Variants in MTO1 observed in about 807,000 individuals in gnomAD.
MTO1 encodes the protein mitochondrial tRNA translation optimization 1, also known as 5-taurinomethyluridine-[tRNA] synthase subunit MTO1, mitochondrial.
A neutral mutation model predicts 71.6 loss-of-function variants in MTO1; 46 were observed. The observed-to-expected ratio is 0.64, with a 90% CI of 0.51 to 0.82. The LOEUF (loss-of-function observed/expected upper bound fraction) is 0.82, where lower values mean the gene tolerates loss of function less well. Ranked by LOEUF, MTO1 falls within the 40% of genes least tolerant of loss-of-function variation. The pLI is 0.00. For missense variants in MTO1, 773 were observed against 867.5 expected (o/e 0.89, Z 1.37); for synonymous variants, 297 against 312.1 (o/e 0.95, Z 0.51).
rs939016343 is a variant in MTO1, at chr6:73,503,971, G to A, written c.*3236G>A. The A allele has an allele frequency of 1.3e-5, 2 of 152,154 alleles. No homozygotes were observed. The highest frequency in any genetic ancestry group is 2.9e-5 in the Non-Finnish European group (2 of 68,020). The allele number at this position is 152,154 out of a possible 1,614,324, so 9.4% of individuals were successfully genotyped here. A position where few individuals can be genotyped will look rare whatever the true frequency, so the allele number is the denominator to read the frequency against. ...AACTCCTAGAAGAATGCCCTGTCCA[G>A]AAGAAGTGGTCAGGAGTATCAGGAA... On this transcript the variant is annotated 3_prime_UTR_variant, in exon 12 of 12. Transcript: ENST00000498286.
chr6:73,462,245 C>G, intron 1 of MTO1, 174 bp downstream of exon 1: 1 of 673,986 alleles, frequency 1.5e-6, no homozygotes, highest in Non-Finnish European at 2.5e-6. Flanking sequence ...CAGGCCAGAA[C>G]TCTATATTAG....
intron 10 of MTO1, 81 bp from the exon 11 acceptor site, chr6:73,497,655 A>G: frequency 1.4e-6 from 2 of 1,417,392 alleles, no homozygotes; most frequent in Non-Finnish European, 1.9e-6. Context: ...CTTTTTGTAA[A>G]TTGTAAGAGG....
intron 3 of MTO1, among the ~76,000 whole-genome samples, chr6:73,472,998 G>A (rs1021986926): frequency 3.3e-5 from 5 of 152,282 alleles, no homozygotes; most frequent in African/African-American, 4.8e-5. Context: ...ACTTTAGGCC[G>A]GGCGCGGTGG....
At chr6:73,476,615 G>C (rs1395946720) in intron 4 of MTO1, among the ~76,000 whole-genome samples, 1 of 151,648 alleles carries the variant, frequency 6.6e-6, no homozygotes, top group Admixed American at 6.6e-5. Context: ...TGTGTAAGAT[G>C]GTAATATACA....
chr6:73,481,824 A>G (rs1395087249), intron 7 of MTO1, among the ~76,000 whole-genome samples: 1 of 152,110 alleles, frequency 6.6e-6, no homozygotes, highest in Non-Finnish European at 1.5e-5. Context: ...GATTAGATGG[A>G]TATCTCTGAA....
At chr6:73,470,290 TC>T (rs1771113537) in intron 3 of MTO1, among the ~76,000 whole-genome samples, 1 of 152,098 alleles carries the variant, frequency 6.6e-6, no homozygotes, top group Non-Finnish European at 1.5e-5. Flanking sequence ...TACTGCAACC[TC>T]TGCCCCCCAG....
At chr6:73,499,908 G>A (rs557314686) in intron 11 of MTO1, among the ~76,000 whole-genome samples, 5 of 152,340 alleles carry the variant, frequency 3.3e-5, no homozygotes, top group African/African-American at 7.2e-5. Context: ...AATGTGGGGC[G>A]CTGCCCCACA....
intron 3 of MTO1, among the ~76,000 whole-genome samples, chr6:73,470,782 G>A (rs1458033667): frequency 6.6e-6 from 1 of 151,978 alleles, no homozygotes; most frequent in Non-Finnish European, 1.5e-5. Context: ...GGCGAAACTC[G>A]TCTCTACTAA....
In MTO1 at chr6:73,486,693, A is replaced by G. The variant is rs1045062323; in HGVS notation, c.1637+4073A>G. On this transcript the variant is annotated intron_variant, in intron 9 of 11. Transcript: ENST00000498286. ...GCGGAGGTTGCAGTGAGCCGAGATC[A>G]AGCCATTGCACCCAAACCTGAGGGA... 1.4e-5 allele frequency: 5 copies of G among 355,444 alleles called. No individual in the cohort carries two copies. In the Admixed American group the frequency reaches 1.6e-4, roughly 12 times the overall value. 22.0% of individuals were successfully genotyped at this position (355,444 alleles called of 1,614,324 possible). A position where few individuals can be genotyped will look rare whatever the true frequency, so the allele number is the denominator to read the frequency against.
chr6:73,486,605 G>A (rs1471930876), intron 9 of MTO1: 2 of 434,556 alleles, frequency 4.6e-6, no homozygotes, highest in Non-Finnish European at 9.2e-6. Flanking sequence ...CAGGCGTGGT[G>A]GCAGACATCT....
Position 73,482,248 on chromosome 6 carries a change from A to ACTC in MTO1, c.1465+5_1465+7dup. 2.5e-6 allele frequency: 4 copies of ACTC among 1,613,754 alleles called. No homozygotes were observed. The highest frequency in any genetic ancestry group is 3.4e-6 in the Non-Finnish European group (4 of 1,179,914). ...GACAGCCGGCTCACACTGCGAGGTA[A>ACTC]CTCTTTCCTGAGTCCTGCAATCCAG... On this transcript the variant is annotated splice_donor_region_variant and intron_variant, in intron 8 of 11. Coordinates refer to ENST00000498286, the MANE Select transcript of MTO1 (RefSeq NM_012123.4).
Position 73,500,814 on chromosome 6 carries a change from G to C in MTO1, c.*79G>C. ...ACAGTATAGATAAAAGAATTATTTAGCACATGTTAAAATAGCTTTATTAGG... is the reference window on the plus strand; with the variant it reads ...ACAGTATAGATAAAAGAATTATTTACCACATGTTAAAATAGCTTTATTAGG... On this transcript the variant is annotated 3_prime_UTR_variant, in exon 12 of 12. Transcript: ENST00000498286. The C allele has an allele frequency of 8.5e-7, 1 of 1,179,792 alleles. No homozygotes were observed. The highest frequency in any genetic ancestry group is 1.1e-6 in the Non-Finnish European group (1 of 899,662). The allele number at this position is 1,179,792 out of a possible 1,614,324, so 73.1% of individuals were successfully genotyped here.
rs926521023 is a variant in MTO1, at chr6:73,509,112, A to G, written c.*8377A>G. The G allele has an allele frequency of 6.6e-6, 1 of 152,226 alleles. No individual in the cohort carries two copies. Among genetic ancestry groups the G allele is most frequent in the African/African-American group, 2.4e-5 (1 of 41,456 alleles). The allele number at this position is 152,226 out of a possible 1,614,324, so 9.4% of individuals were successfully genotyped here. The stretch of plus-strand genomic sequence containing the variant: ...TTCCCTCAATCACATGATTGTACTG[A>G]AAATATAACCAAGTTTTATTTATGT... On this transcript the variant is annotated 3_prime_UTR_variant, in exon 12 of 12. Coordinates refer to ENST00000498286, the MANE Select transcript of MTO1 (RefSeq NM_012123.4).
In MTO1 at chr6:73,500,796, A is replaced by C. The variant is rs1772140726; in HGVS notation, c.*61A>C. On this transcript the variant is annotated 3_prime_UTR_variant, in exon 12 of 12. Transcript: ENST00000498286. ...AATAATTTGATCAATACAACAGTATAGATAAAAGAATTATTTAGCACATGT... is the reference window on the plus strand; with the variant it reads ...AATAATTTGATCAATACAACAGTATCGATAAAAGAATTATTTAGCACATGT... The C allele has an allele frequency of 7.9e-7, 1 of 1,267,716 alleles. No homozygotes were observed. Among genetic ancestry groups the C allele is most frequent in the African/African-American group, 1.5e-5 (1 of 64,820 alleles). The allele number at this position is 1,267,716 out of a possible 1,614,324, so 78.5% of individuals were successfully genotyped here.
intron 3 of MTO1, among the ~76,000 whole-genome samples, chr6:73,468,391 T>A (rs960050039): frequency 2.0e-5 from 3 of 152,088 alleles, no homozygotes; most frequent in Admixed American, 6.6e-5. Context: ...AATGCTGGGA[T>A]TACAGGCATG....
chr6:73,470,096 A>G (rs1771106488), intron 3 of MTO1, among the ~76,000 whole-genome samples: 1 of 152,214 alleles, frequency 6.6e-6, no homozygotes. Context: ...TTTTCCACCT[A>G]AGAGAGTAAT....
In MTO1 at chr6:73,492,358, AAAT is replaced by A; in HGVS notation, c.1756+10_1756+12del. 1 of 1,577,798 alleles carries A rather than the reference AAAT, an allele frequency of 6.3e-7. No homozygotes were observed. Among genetic ancestry groups the A allele is most frequent in the South Asian group, 1.1e-5 (1 of 90,276 alleles). On this transcript the variant is annotated splice_region_variant and intron_variant, in intron 10 of 11. Transcript: ENST00000498286. Reference sequence around the variant, plus strand: ...TGAAAGACTGAAAATAGAAGGTAGAAAATAATTTTTGACTTAACATACCTTTAT... The same window carrying A: ...TGAAAGACTGAAAATAGAAGGTAGAAAATTTTTGACTTAACATACCTTTAT...
At chr6:73,472,631 A>G (rs1478462637) in intron 3 of MTO1, among the ~76,000 whole-genome samples, 1 of 152,192 alleles carries the variant, frequency 6.6e-6, no homozygotes, top group Admixed American at 6.6e-5. Flanking sequence ...AGTTCTAGCA[A>G]TCTAGTGAGC....
intron 6 of MTO1, 143 bp downstream of exon 6, chr6:73,480,269 G>A (rs1771449623): frequency 1.2e-6 from 1 of 840,794 alleles, no homozygotes; most frequent in Non-Finnish European, 1.9e-6. Flanking sequence ...TCTGTTTTTT[G>A]TTTGTTTGTT....
Sources: gnomAD v4.1 joint callset for allele counts (sites outside exome capture counted in the v4.1 genomes callset) on GRCh38, gnomAD v4.1.1 for gene constraint, MANE v1.5 for transcripts, NCBI Gene and HGNC (gene_info 2026-07-23, HGNC 2026-07-21) for gene names.